KDM4C: variants seen among roughly 807,000 people sequenced by gnomAD.
KDM4C encodes lysine-specific demethylase 4C.
In KDM4C, 81 loss-of-function variants were observed where a neutral mutation model predicts 129.3. The observed-to-expected ratio is 0.63, with a 90% CI of 0.52 to 0.75. The LOEUF (loss-of-function observed/expected upper bound fraction) is 0.75. Among genes scored for constraint, KDM4C ranks in the 30% least tolerant of loss-of-function variants. The pLI, the probability that KDM4C is intolerant of heterozygous loss-of-function variation, is 0.00. For missense variants in KDM4C, 1,457 were observed against 1,304.0 expected (o/e 1.12, Z -1.81); for synonymous variants, 573 against 456.1 (o/e 1.26, Z -3.26).
At chr9:6,980,274 A>G (rs1816539487) in intron 8 of KDM4C, among the ~76,000 whole-genome samples, 1 of 152,198 alleles carries the variant, frequency 6.6e-6, no homozygotes, top group Non-Finnish European at 1.5e-5. Flanking sequence ...ATTCATGAGA[A>G]TTAAAGGCAT....
In KDM4C at chr9:7,174,741, C is replaced by G. The variant is rs756094794; in HGVS notation, c.*12C>G. 2 of 1,609,656 alleles carry G rather than the reference C, an allele frequency of 1.2e-6. No homozygotes were observed. The highest frequency in any genetic ancestry group is 1.7e-6 in the Non-Finnish European group (2 of 1,176,258). On this transcript the variant is annotated 3_prime_UTR_variant, in exon 22 of 22. Transcript: ENST00000381309. Reference sequence around the variant, plus strand: ...AGAAGAGACAGTAGTCTGCATACATCGCTGCAGGCCACAGAGCAGCTTGGG... The same window carrying G: ...AGAAGAGACAGTAGTCTGCATACATGGCTGCAGGCCACAGAGCAGCTTGGG...
rs566398541 is a variant in KDM4C at position 7,077,886 on chromosome 9, T to C, written c.2425-25799T>C. On this transcript the variant is annotated intron_variant, in intron 17 of 21. Coordinates refer to ENST00000381309, the MANE Select transcript of KDM4C (RefSeq NM_015061.6). The stretch of plus-strand genomic sequence containing the variant: ...GGCAGGAAACACATGGTCACCCTCT[T>C]ACCTTGGGTTTCTCAGGTGTTTTGG... 1.0e-3 allele frequency among the ~76,000 whole-genome samples: 155 copies of C among 152,360 alleles called. 1 individual carries two copies. The highest frequency in any genetic ancestry group is 3.6e-3 in the African/African-American group (149 of 41,584).
intron 17 of KDM4C, among the ~76,000 whole-genome samples, chr9:7,069,979 G>T (rs1225081895): frequency 6.6e-6 from 1 of 151,906 alleles, no homozygotes; most frequent in Non-Finnish European, 1.5e-5. Flanking sequence ...TTAAAAGAGA[G>T]GTACAGATTT....
chr9:7,089,408 A>G (rs1835524521), intron 17 of KDM4C, among the ~76,000 whole-genome samples: 1 of 152,192 alleles, frequency 6.6e-6, no homozygotes, highest in Non-Finnish European at 1.5e-5. Flanking sequence ...TGGTATTTGT[A>G]GGGAGGCAGA....
chr9:6,857,914 C>G (rs955121374), intron 5 of KDM4C, among the ~76,000 whole-genome samples: 14 of 141,958 alleles, frequency 9.9e-5, no homozygotes, highest in African/African-American at 3.6e-4. Flanking sequence ...GTTAACACAT[C>G]TGGCTAAGTT....
intron 17 of KDM4C, among the ~76,000 whole-genome samples, chr9:7,075,297 G>T (rs1235410103): frequency 6.6e-6 from 1 of 152,154 alleles, no homozygotes; most frequent in African/African-American, 2.4e-5. Flanking sequence ...CAACTGTCCT[G>T]TTTCATCTTC....
intron 8 of KDM4C, among the ~76,000 whole-genome samples, chr9:6,930,652 A>G (rs1357108402): frequency 7.6e-6 from 1 of 131,182 alleles, no homozygotes; most frequent in Non-Finnish European, 1.7e-5. Flanking sequence ...ATGAATACAT[A>G]CTACATATAA....
intron 1 of KDM4C, chr9:6,734,799 G>A (rs545447822): frequency 2.9e-5 from 12 of 413,954 alleles, no homozygotes; most frequent in Admixed American, 2.1e-4. Context: ...AATGTTGGTA[G>A]ATTCCTGTTC....
chr9:7,019,990 A>G (rs1451876352), intron 15 of KDM4C, among the ~76,000 whole-genome samples: 1 of 151,862 alleles, frequency 6.6e-6, no homozygotes, highest in Non-Finnish European at 1.5e-5. Flanking sequence ...CTAGACTCAA[A>G]TTAGGAAGAT....
At chr9:7,134,043 C>T (rs1483912056) in intron 19 of KDM4C, among the ~76,000 whole-genome samples, 1 of 152,184 alleles carries the variant, frequency 6.6e-6, no homozygotes, top group Non-Finnish European at 1.5e-5. Flanking sequence ...ATGTGTGCTC[C>T]AGAGGGCTGC....
At chr9:6,799,014 G>A (rs1238929105) in intron 2 of KDM4C, among the ~76,000 whole-genome samples, 2 of 150,914 alleles carry the variant, frequency 1.3e-5, no homozygotes, top group Admixed American at 6.6e-5. Context: ...GATGGCGGCC[G>A]GGAAGAGGCG....
At chr9:6,805,215 AG>A (rs1196945885) in intron 2 of KDM4C, among the ~76,000 whole-genome samples, 1 of 152,148 alleles carries the variant, frequency 6.6e-6, no homozygotes, top group African/African-American at 2.4e-5. Context: ...ATCTATTGAG[AG>A]GCAGGTTAAC....
intron 8 of KDM4C, among the ~76,000 whole-genome samples, chr9:6,929,666 A>G (rs958475294): frequency 5.3e-5 from 8 of 151,844 alleles, no homozygotes; most frequent in Middle Eastern, 3.2e-3. Flanking sequence ...AAACTCATGA[A>G]TTGTCTGGTT....
At chr9:7,029,924 C>G (rs1234172432) in intron 15 of KDM4C, among the ~76,000 whole-genome samples, 1 of 152,112 alleles carries the variant, frequency 6.6e-6, no homozygotes, top group Non-Finnish European at 1.5e-5. Flanking sequence ...TGAAAAACTC[C>G]AAATAAAGTA....
At chr9:7,013,376 T>C (rs1184319832) in intron 13 of KDM4C, among the ~76,000 whole-genome samples, 1 of 152,224 alleles carries the variant, frequency 6.6e-6, no homozygotes. Context: ...AAAGCCTCTC[T>C]TAATACTGCT....
At chr9:6,940,583 T>C (rs768883528) in intron 8 of KDM4C, among the ~76,000 whole-genome samples, 18 of 152,194 alleles carry the variant, frequency 1.2e-4, no homozygotes, top group Non-Finnish European at 1.8e-4. Context: ...AGAGATATTC[T>C]TGAAAGTCAT....
At chr9:6,985,986 C>T (rs755306640) in intron 10 of KDM4C, among the ~76,000 whole-genome samples, 11 of 152,198 alleles carry the variant, frequency 7.2e-5, no homozygotes, top group South Asian at 4.1e-4. Flanking sequence ...CCACCGTGCC[C>T]GGCTCCTCAT....
chr9:6,847,763 T>C (rs970398282), intron 4 of KDM4C, among the ~76,000 whole-genome samples: 3 of 152,238 alleles, frequency 2.0e-5, no homozygotes, highest in Admixed American at 6.5e-5. Context: ...AAGTTGTAGA[T>C]AGAGTGGCTA....
chr9:6,836,042 C>T (rs974056884), intron 4 of KDM4C, among the ~76,000 whole-genome samples: 11 of 152,038 alleles, frequency 7.2e-5, no homozygotes, highest in African/African-American at 2.7e-4. Context: ...TCGTGGCCCC[C>T]CTCTTTTGTC....
Sources: gnomAD v4.1 joint callset for allele counts (sites outside exome capture counted in the v4.1 genomes callset) on GRCh38, gnomAD v4.1.1 for gene constraint, MANE v1.5 for transcripts, NCBI Gene and HGNC (gene_info 2026-07-23, HGNC 2026-07-21) for gene names.